The following VPS8 variants were observed in gnomAD, a reference collection of about 807,000 sequenced individuals.
The protein encoded by VPS8 is vacuolar protein sorting-associated protein 8 homolog.
In VPS8, 129 loss-of-function variants were observed where a neutral mutation model predicts 216.4. The ratio of observed to expected loss-of-function variants is 0.60; its 90% CI spans 0.52 to 0.69. The LOEUF (loss-of-function observed/expected upper bound fraction) is 0.69, where lower values mean the gene tolerates loss of function less well. Among genes scored for constraint, VPS8 ranks in the 30% least tolerant of loss-of-function variants. The pLI, the probability that VPS8 is intolerant of heterozygous loss-of-function variation, is 0.00. For missense variants in VPS8, 1,531 were observed against 1,683.5 expected (o/e 0.91, Z 1.59); for synonymous variants, 571 against 565.4 (o/e 1.01, Z -0.14).
intron 31 of VPS8, among the ~76,000 whole-genome samples, chr3:184,926,886 G>T (rs567325877): frequency 6.6e-6 from 1 of 152,116 alleles, no homozygotes; most frequent in Non-Finnish European, 1.5e-5. Flanking sequence ...TGTATCTACC[G>T]TGACATCAAA....
intron 38 of VPS8, 66 bp downstream of exon 38, chr3:184,964,623 CTTAA>C: frequency 2.8e-6 from 3 of 1,064,726 alleles, no homozygotes; most frequent in South Asian, 2.2e-5. Context: ...ATGAATCCAT[CTTAA>C]TTATGTTTCA....
rs932096151 is a variant in VPS8 at position 184,864,239 on chromosome 3, A to C, written c.1395+1172A>C. 3.9e-5 allele frequency among the ~76,000 whole-genome samples: 6 copies of C among 152,178 alleles called. No individual in the cohort carries two copies. In the South Asian group the frequency reaches 1.2e-3, roughly 31 times the overall value. On this transcript the variant is annotated intron_variant, in intron 16 of 47. Transcript: ENST00000625842. ...TAGTGATGGACAGCAATCTCTCACC[A>C]AATGGGGAACAAATGCTGTGAACTC...
intron 33 of VPS8, among the ~76,000 whole-genome samples, chr3:184,930,028 T>G (rs1417534816): frequency 1.3e-5 from 2 of 152,144 alleles, no homozygotes; most frequent in East Asian, 3.9e-4. Flanking sequence ...AGAAGAGTGT[T>G]CCAGGATGGG....
At chr3:184,964,390 T>C in intron 37 of VPS8, 78 bp from the exon 38 acceptor site, 1 of 856,810 alleles carries the variant, frequency 1.2e-6, no homozygotes, top group Non-Finnish European at 1.7e-6. Flanking sequence ...TCATATGAGT[T>C]TTTTCATCCT....
At chr3:185,024,103 A>T (rs571316477) in intron 45 of VPS8, among the ~76,000 whole-genome samples, 1 of 152,342 alleles carries the variant, frequency 6.6e-6, no homozygotes, top group East Asian at 1.9e-4. Context: ...AAACCAATCT[A>T]GACCCACTTT....
rs772418233 is a variant in VPS8 at position 184,940,226 on chromosome 3, G to T, written c.3018G>T (p.Arg1006Ser). The T allele has an allele frequency of 9.3e-5, 138 of 1,479,760 alleles. No individual in the cohort carries two copies. The highest frequency in any genetic ancestry group is 1.2e-4 in the Non-Finnish European group (133 of 1,106,272). 91.7% of individuals were successfully genotyped at this position (1,479,760 alleles called of 1,614,324 possible). A position where few individuals can be genotyped will look rare whatever the true frequency, so the allele number is the denominator to read the frequency against. ...QNQVLLFKFL[R>S]SLLDPREGIH... ...AGGTTTTGCTTTTCAAATTTTTGAG[G>T]AGTCTTCTTGACCCAAGGTATGTTG... The change falls in exon 36 of 48, where the codon AGG becomes AGT. Residue 1006 changes from arginine to serine, a missense_variant. Arg to Ser is a moderately radical substitution (Grantham distance 110). Transcript: ENST00000625842.
In VPS8 at chr3:184,975,814, G is replaced by A. The variant is rs570203549; in HGVS notation, c.3420+4062G>A. ...CTGAATTGATTGAGATGATCATGTG[G>A]TTTTTGTTCTTCATTCTGTTGATGT... is the stretch of plus-strand genomic sequence containing the variant. On this transcript the variant is annotated intron_variant, in intron 40 of 47. Coordinates refer to ENST00000625842, the MANE Select transcript of VPS8 (RefSeq NM_001009921.3). Among the ~76,000 whole-genome samples, 7 of 152,190 alleles carry A rather than the reference G, an allele frequency of 4.6e-5. No individual in the cohort carries two copies. The South Asian group carries it at 8.3e-4, about 18-fold the overall frequency.
intron 40 of VPS8, among the ~76,000 whole-genome samples, chr3:184,974,861 A>C (rs1488700738): frequency 1.3e-5 from 2 of 152,056 alleles, no homozygotes; most frequent in African/African-American, 4.8e-5. Context: ...AAAATCAGTC[A>C]GCTACAAATA....
chr3:184,974,171 T>C (rs1191406308), intron 40 of VPS8, among the ~76,000 whole-genome samples: 1 of 152,178 alleles, frequency 6.6e-6, no homozygotes, highest in Non-Finnish European at 1.5e-5. Flanking sequence ...TCACCAACCA[T>C]GTACAAGGCT....
chr3:184,871,743 TG>T lies in VPS8; in HGVS notation c.1734+940del, dbSNP rs374385523. On this transcript the variant is annotated intron_variant, in intron 21 of 47. Transcript: ENST00000625842. ...GTCTAGTCAAAATAATGGGTTTTTT[TG>T]GTTTACATTAATGGACATATTTAGA... 3.7e-3 allele frequency among the ~76,000 whole-genome samples: 563 copies of T among 152,298 alleles called. 2 individuals carry two copies. Among genetic ancestry groups the T allele is most frequent in the African/African-American group, 0.013 (539 of 41,568 alleles).
At chr3:185,048,332 A>G in intron 46 of VPS8, 147 bp from the exon 47 acceptor site, 4 of 725,880 alleles carry the variant, frequency 5.5e-6, no homozygotes, top group South Asian at 3.8e-5. Flanking sequence ...ACTCATGTTC[A>G]GTATATATCT....
At chr3:184,981,574 C>T (rs965527411) in intron 40 of VPS8, among the ~76,000 whole-genome samples, 3 of 151,784 alleles carry the variant, frequency 2.0e-5, no homozygotes, top group Non-Finnish European at 4.4e-5. Flanking sequence ...GCTGGGATTA[C>T]AGGCACCTGC....
chr3:184,869,165 C>A, intron 19 of VPS8, 129 bp downstream of exon 19: 1 of 848,260 alleles, frequency 1.2e-6, no homozygotes, highest in Non-Finnish European at 1.8e-6. Flanking sequence ...CTAATTAAAC[C>A]TTATAGACTT....
chr3:184,926,810 A>T (rs968864888), intron 31 of VPS8, among the ~76,000 whole-genome samples, 160 bp downstream of exon 31: 1 of 152,210 alleles, frequency 6.6e-6, no homozygotes, highest in Non-Finnish European at 1.5e-5. Context: ...AGAGTGGATG[A>T]TTGTTAGAGG....
chr3:185,015,969 T>G (rs748633508), intron 45 of VPS8, among the ~76,000 whole-genome samples: 5 of 152,116 alleles, frequency 3.3e-5, no homozygotes, highest in Admixed American at 6.5e-5. Context: ...AAATCTAGAG[T>G]CTTCTCTGGA....
chr3:184,839,743 T>A lies in VPS8; in HGVS notation c.526T>A (p.Leu176Ile). Reference sequence around the variant, plus strand: ...AGTGGGTACATCTCATGGATTGGCTTTAATATTTGGTAAATTTTTAAGTGC... The same window carrying A: ...AGTGGGTACATCTCATGGATTGGCTATAATATTTGGTAAATTTTTAAGTGC... Reference protein sequence around the residue: ...IAVGTSHGLALIFGKDQNQAL... With the variant: ...IAVGTSHGLAIIFGKDQNQAL... The change falls in exon 7 of 48, where the codon TTA (leucine) becomes ATA (isoleucine). Residue 176 changes from leucine to isoleucine, a missense_variant. By Grantham distance (5) the Leu-to-Ile change is conservative. Around this residue, in one of 3 missense-constraint regions of VPS8, gnomAD observed 14 missense variants for 32.9 expected, o/e 0.43. Transcript: ENST00000625842. The A allele has an allele frequency of 6.2e-7, 1 of 1,601,910 alleles. No homozygotes were observed.
chr3:184,913,417 A>C, intron 25 of VPS8, 102 bp from the exon 26 acceptor site: 1 of 1,010,698 alleles, frequency 9.9e-7, no homozygotes, highest in Non-Finnish European at 1.5e-6. Context: ...TACTTACCTC[A>C]CCTTAAATGC....
At chr3:184,894,578 T>C in intron 22 of VPS8, 125 bp from the exon 23 acceptor site, 3 of 656,748 alleles carry the variant, frequency 4.6e-6, no homozygotes, top group Non-Finnish European at 7.6e-6. Context: ...GTGAATATTA[T>C]TGCCATTTTA....
Position 184,926,634 on chromosome 3 carries a change from A to T in VPS8, c.2615A>T (p.His872Leu), listed in dbSNP as rs1228785246. 6.2e-6 allele frequency: 10 copies of T among 1,605,494 alleles called. No individual in the cohort carries two copies. The highest frequency in any genetic ancestry group is 7.7e-6 in the Non-Finnish European group (9 of 1,175,864). ...FLCSPDDDSR[H>L]SERQQVLLEL... Reference sequence around the variant, plus strand: ...TGTAGTCCTGACGATGACTCCCGACACTCTGAAAGACAGCAGGTATGAACT... The same window carrying T: ...TGTAGTCCTGACGATGACTCCCGACTCTCTGAAAGACAGCAGGTATGAACT... Residue 872 changes from histidine to leucine, a missense_variant, in exon 31 of 48, where the codon CAC becomes CTC. By Grantham distance (99) the His-to-Leu change is moderately conservative. Around this residue, in one of 3 missense-constraint regions of VPS8, gnomAD observed 1,318 missense variants for 1,468.4 expected, o/e 0.90. Transcript: ENST00000625842.
Sources: allele counts gnomAD v4.1 joint callset (sites outside exome capture counted in the v4.1 genomes callset), GRCh38; gene constraint gnomAD v4.1.1; regional missense constraint gnomAD v4.1.1; transcripts MANE v1.5; gene names NCBI Gene and HGNC (gene_info 2026-07-23, HGNC 2026-07-21).